The following DPP6 variants were observed in gnomAD, a reference collection of about 807,000 sequenced individuals.
The protein encoded by DPP6 is dipeptidyl peptidase like 6.
In DPP6, 69 loss-of-function variants were observed where a neutral mutation model predicts 122.6. That is an observed-to-expected ratio of 0.56 (90% CI 0.46 to 0.69). The LOEUF is 0.69. Ranked by LOEUF, DPP6 falls within the 30% of genes least tolerant of loss-of-function variation. The probability of loss-of-function intolerance (pLI) is 0.00; values close to 1 mark genes in which losing one functional copy is unlikely to be tolerated. For missense variants in DPP6, 928 were observed against 1,116.9 expected, an observed-to-expected ratio of 0.83 and a Z score of 2.41; for synonymous variants, 418 against 433.1, an observed-to-expected ratio of 0.97 and a Z score of 0.43.
intron 1 of DPP6, among the ~76,000 whole-genome samples, chr7:154,166,634 G>A (rs961896891): frequency 1.4e-5 from 2 of 142,698 alleles, no homozygotes; most frequent in African/African-American, 3.0e-5. Context: ...TCATATGGCC[G>A]GGCTCAGTGG....
At chr7:153,848,475 T>A in the DPP6 span, among the ~76,000 whole-genome samples, 1 of 152,178 alleles carries the variant, frequency 6.6e-6, no homozygotes, top group Non-Finnish European at 1.5e-5. Flanking sequence ...GTCTGCATTC[T>A]CTATCTATAA....
intron 3 of DPP6, among the ~76,000 whole-genome samples, chr7:154,524,931 C>G (rs1827282381): frequency 6.6e-6 from 1 of 152,130 alleles, no homozygotes; most frequent in Admixed American, 6.5e-5. Context: ...GTGCCTCAGA[C>G]CTGGAAACAT....
At chr7:154,632,233 T>A (rs1418733157) in intron 5 of DPP6, among the ~76,000 whole-genome samples, 1 of 152,206 alleles carries the variant, frequency 6.6e-6, no homozygotes, top group Non-Finnish European at 1.5e-5. Flanking sequence ...CAGAGAAACC[T>A]TTAGGCTGAA....
chr7:154,580,494 C>A (rs1363156538), intron 5 of DPP6, among the ~76,000 whole-genome samples: 1 of 152,180 alleles, frequency 6.6e-6, no homozygotes, highest in Admixed American at 6.5e-5. Context: ...ATAATGGCTT[C>A]TTGCAGCCTG....
At chr7:154,575,608 TGTATGTGTGTGTG>T (rs1831600442) in intron 5 of DPP6, among the ~76,000 whole-genome samples, 3 of 120,338 alleles carry the variant, frequency 2.5e-5, no homozygotes, top group Admixed American at 9.1e-5. Flanking sequence ...GTGTGGTGTG[TGTATGTGTGTGTG>T]GTGTGTGTGT....
chr7:153,944,142 C>T (rs1017067653), intron 1 of DPP6, among the ~76,000 whole-genome samples: 8 of 152,178 alleles, frequency 5.3e-5, no homozygotes, highest in South Asian at 4.1e-4. Flanking sequence ...CCCTGGAGCA[C>T]GAGCCTCGTT....
At chr7:154,379,767 A>G (rs1488511209) in intron 1 of DPP6, among the ~76,000 whole-genome samples, 1 of 152,224 alleles carries the variant, frequency 6.6e-6, no homozygotes, top group African/African-American at 2.4e-5. Context: ...TTAGTTTAAC[A>G]TGAAAATATT....
At chr7:154,213,549 C>T (rs1255201434) in intron 1 of DPP6, among the ~76,000 whole-genome samples, 1 of 152,196 alleles carries the variant, frequency 6.6e-6, no homozygotes, top group Non-Finnish European at 1.5e-5. Context: ...GTGCCCTTGG[C>T]AATGCACGTC....
At chr7:154,534,412 G>A (rs566690845) in intron 3 of DPP6, among the ~76,000 whole-genome samples, 34 of 152,156 alleles carry the variant, frequency 2.2e-4, no homozygotes, top group African/African-American at 7.9e-4. Context: ...ATAAATAAAA[G>A]GTACACAGAT....
At position 154,861,056 on chromosome 7, in the gene DPP6, C is replaced by T. The variant is rs79471084; in HGVS notation, c.1715-6939C>T. ...GCCTAACTTCAGCCCTAGGTCTTAACATGGCTGCATCAGGCAAGTTTCTAC... is the reference window on the plus strand; with the variant it reads ...GCCTAACTTCAGCCCTAGGTCTTAATATGGCTGCATCAGGCAAGTTTCTAC... On this transcript the variant is annotated intron_variant, in intron 17 of 25. Coordinates refer to ENST00000377770, the MANE Select transcript of DPP6 (RefSeq NM_130797.4). Among the ~76,000 whole-genome samples, 1,461 of 152,324 alleles carry T rather than the reference C, an allele frequency of 9.6e-3. 23 individuals carry two copies. The highest frequency in any genetic ancestry group is 0.033 in the African/African-American group (1,357 of 41,564).
At chr7:153,770,080 G>A in the DPP6 span, among the ~76,000 whole-genome samples, 24 of 152,112 alleles carry the variant, frequency 1.6e-4, no homozygotes, top group Non-Finnish European at 2.9e-4. Context: ...CCTGAGGGAG[G>A]GGAGAACCAG....
chr7:154,794,925 C>T (rs1190819540), intron 11 of DPP6, among the ~76,000 whole-genome samples: 1 of 100,918 alleles, frequency 9.9e-6, no homozygotes, highest in Non-Finnish European at 2.1e-5. Context: ...GTTTCTGTCT[C>T]CTGGCTGAGG....
At chr7:154,539,744 G>A (rs113942157) in intron 3 of DPP6, among the ~76,000 whole-genome samples, 4,238 of 151,830 alleles carry the variant, frequency 0.028, 91 homozygotes, top group South Asian at 0.083. Flanking sequence ...CTAAGATGTC[G>A]TTAAAGATGG....
intron 1 of DPP6, among the ~76,000 whole-genome samples, chr7:154,137,650 T>TGGGGGGG (rs1419049474): frequency 4.0e-4 from 4 of 10,076 alleles, no homozygotes; most frequent in Non-Finnish European, 6.3e-4. Flanking sequence ...GTGGGGGGGG[T>TGGGGGGG]GGGGGGGTGG....
In DPP6 at chr7:154,891,206, G is replaced by C. The variant is rs142972213; in HGVS notation, c.2452-1128G>C. ...TGGTAACACCATGGCATTCCAGCCTGGGCGACAGAGTGAGACCCTGTCTGA... is the reference window on the plus strand; with the variant it reads ...TGGTAACACCATGGCATTCCAGCCTCGGCGACAGAGTGAGACCCTGTCTGA... On this transcript the variant is annotated intron_variant, in intron 25 of 25. Transcript: ENST00000377770. 5.2e-3 allele frequency: 799 copies of C among 152,350 alleles called. 4 individuals carry two copies. Among genetic ancestry groups the C allele is most frequent in the African/African-American group, 0.017 (724 of 41,536 alleles). 9.4% of individuals were successfully genotyped at this position (152,350 alleles called of 1,614,324 possible). A position where few individuals can be genotyped will look rare whatever the true frequency, so the allele number is the denominator to read the frequency against.
chr7:154,401,030 G>A (rs1309274205), intron 1 of DPP6, among the ~76,000 whole-genome samples: 6 of 151,926 alleles, frequency 3.9e-5, no homozygotes, highest in Admixed American at 6.6e-5. Flanking sequence ...GCAAAACCTC[G>A]TCTCTACTAA....
intron 1 of DPP6, among the ~76,000 whole-genome samples, chr7:154,310,938 C>G (rs1038348494): frequency 1.3e-5 from 2 of 152,132 alleles, no homozygotes; most frequent in African/African-American, 4.8e-5. Flanking sequence ...CATGCACCCT[C>G]TGTCATTGAG....
intron 7 of DPP6, among the ~76,000 whole-genome samples, chr7:154,685,030 G>T (rs114710286): frequency 6.6e-6 from 1 of 152,158 alleles, no homozygotes; most frequent in Non-Finnish European, 1.5e-5. Flanking sequence ...AAAAGCAAAC[G>T]ATCTATACCA....
intron 4 of DPP6, among the ~76,000 whole-genome samples, chr7:154,545,857 T>C (rs1829141813): frequency 6.6e-6 from 1 of 152,190 alleles, no homozygotes. Context: ...TTGACCTGTG[T>C]CACTCATACT....
Sources: allele counts gnomAD v4.1 joint callset (sites outside exome capture counted in the v4.1 genomes callset), GRCh38; gene constraint gnomAD v4.1.1; transcripts MANE v1.5; gene names NCBI Gene and HGNC (gene_info 2026-07-23, HGNC 2026-07-21).